The following ASTN2 variants were observed in gnomAD, a reference collection of about 807,000 sequenced individuals.
ASTN2 encodes astrotactin 2, also known as astrotactin-2.
ASTN2 carries 54 observed loss-of-function variants against 139.8 expected under a neutral mutation model. That is an observed-to-expected ratio of 0.39 (90% CI 0.31 to 0.48). The LOEUF is 0.48. ASTN2 is among the 20% of genes least tolerant of loss of function. The probability of loss-of-function intolerance (pLI) is 0.95; values close to 1 mark genes in which losing one functional copy is unlikely to be tolerated. For missense variants in ASTN2, 1,565 were observed against 1,725.1 expected, an observed-to-expected ratio of 0.91 and a Z score of 1.64; for synonymous variants, 756 against 719.5, an observed-to-expected ratio of 1.05 and a Z score of -0.81.
intron 4 of ASTN2, among the ~76,000 whole-genome samples, chr9:117,134,119 C>A (rs1020832723): frequency 1.3e-4 from 20 of 150,562 alleles, no homozygotes; most frequent in African/African-American, 4.9e-4. Flanking sequence ...AGATGGGGAC[C>A]AAAGAAACAA....
intron 19 of ASTN2, among the ~76,000 whole-genome samples, chr9:116,607,673 AC>A (rs1855280688): frequency 4.1e-4 from 3 of 7,272 alleles, no homozygotes; most frequent in Middle Eastern, 0.17. Context: ...AGAAATTAAC[AC>A]ACACACACAC....
chr9:116,698,063 G>A lies in ASTN2; in HGVS notation c.2806+27708C>T. On this transcript the variant is annotated intron_variant, in intron 16 of 22. Coordinates refer to ENST00000313400, the MANE Select transcript of ASTN2 (RefSeq NM_001365068.1). The surrounding 1 kb of genome is among the most constrained non-coding windows in gnomAD (Gnocchi z 4.4). Reference sequence around the variant, plus strand: ...TGTGTCGGTCCTGTGGGCGGCGTCTGCCCCGGCAATTCTGCCGGAGCTGTG... The same window carrying A: ...TGTGTCGGTCCTGTGGGCGGCGTCTACCCCGGCAATTCTGCCGGAGCTGTG... 3.7e-6 allele frequency: 6 copies of A among 1,614,062 alleles called. No individual in the cohort carries two copies. The highest frequency in any genetic ancestry group is 5.1e-6 in the Non-Finnish European group (6 of 1,180,034).
At chr9:116,812,826 T>C (rs1192217486) in intron 12 of ASTN2, among the ~76,000 whole-genome samples, 3 of 151,952 alleles carry the variant, frequency 2.0e-5, no homozygotes, top group Admixed American at 2.0e-4. Flanking sequence ...CAACTGTGGA[T>C]TTACAGTGAT....
intron 13 of ASTN2, among the ~76,000 whole-genome samples, chr9:116,750,391 C>A (rs775348716): frequency 6.6e-6 from 1 of 152,110 alleles, no homozygotes; most frequent in South Asian, 2.1e-4. Context: ...TGGTTGGGGT[C>A]GCATTTCTGA....
intron 5 of ASTN2, among the ~76,000 whole-genome samples, chr9:117,050,708 A>C (rs112003617): frequency 1.3e-5 from 2 of 152,212 alleles, no homozygotes; most frequent in African/African-American, 4.8e-5. Flanking sequence ...GACCCTGTGA[A>C]TGTATGGTGT....
chr9:116,782,872 C>T (rs1223496958), intron 13 of ASTN2, among the ~76,000 whole-genome samples: 2 of 152,156 alleles, frequency 1.3e-5, no homozygotes, highest in Non-Finnish European at 2.9e-5. Context: ...GTGGGCTTGC[C>T]CTGGTAGCAC....
intron 11 of ASTN2, among the ~76,000 whole-genome samples, chr9:116,837,614 T>C (rs778802156): frequency 1.3e-5 from 2 of 152,230 alleles, no homozygotes; most frequent in East Asian, 1.9e-4. Context: ...GGAATGCAAA[T>C]TGCTCTGAGT....
At chr9:116,645,614 A>C (rs1857552208) in intron 17 of ASTN2, among the ~76,000 whole-genome samples, 1 of 152,128 alleles carries the variant, frequency 6.6e-6, no homozygotes. Flanking sequence ...ACTGTGCCAT[A>C]AAATGGGGTT....
At chr9:116,645,634 A>G (rs547994305) in intron 17 of ASTN2, among the ~76,000 whole-genome samples, 1 of 152,280 alleles carries the variant, frequency 6.6e-6, no homozygotes, top group East Asian at 1.9e-4. Flanking sequence ...TCAGGATTTT[A>G]CTCAGAGCCT....
chr9:117,109,728 T>C (rs548121133), intron 4 of ASTN2, among the ~76,000 whole-genome samples: 1 of 152,334 alleles, frequency 6.6e-6, no homozygotes, highest in South Asian at 2.1e-4. Context: ...TTCTTATTCT[T>C]ATTGTTCCAA....
intron 16 of ASTN2, among the ~76,000 whole-genome samples, chr9:116,712,793 A>T (rs10983314): frequency 0.33 from 50,903 of 152,080 alleles, 8,838 homozygotes; most frequent in Admixed American, 0.44. Flanking sequence ...GCTCAAAAAT[A>T]TACCTTTCAT....
At chr9:117,177,917 A>G (rs1247820665) in intron 3 of ASTN2, among the ~76,000 whole-genome samples, 3 of 152,106 alleles carry the variant, frequency 2.0e-5, no homozygotes, top group African/African-American at 4.8e-5. Context: ...CACACTCTAC[A>G]AGGGCTTCAC....
chr9:117,142,233 C>T (rs957343976), intron 3 of ASTN2, among the ~76,000 whole-genome samples: 1 of 152,110 alleles, frequency 6.6e-6, no homozygotes, highest in African/African-American at 2.4e-5. Context: ...AGGTTTTAAA[C>T]AGAAAATCTA....
chr9:117,366,752 A>G (rs1397526506), intron 1 of ASTN2, among the ~76,000 whole-genome samples: 1 of 150,900 alleles, frequency 6.6e-6, no homozygotes, highest in Non-Finnish European at 1.5e-5. Context: ...CCTGCTCTGA[A>G]CCACAAATAG....
chr9:117,167,829 C>G (rs1423247961), intron 3 of ASTN2, among the ~76,000 whole-genome samples: 2 of 152,078 alleles, frequency 1.3e-5, no homozygotes, highest in Admixed American at 6.6e-5. Context: ...CTGATGTTAT[C>G]TGGGATGTCA....
chr9:117,414,785 T>A lies in ASTN2; in HGVS notation c.154A>T (p.Thr52Ser). 8.0e-7 allele frequency: 1 copy of A among 1,253,222 alleles called. No individual in the cohort carries two copies. Among genetic ancestry groups the A allele is most frequent in the Non-Finnish European group, 1.0e-6 (1 of 998,252 alleles). The allele number at this position is 1,253,222 out of a possible 1,614,324, so 77.6% of individuals were successfully genotyped here. ...TCGGGCTCCCGCGAGGCAGCGGCGGTGGCGCCGGCCAGCAGCGGCGGCGGC... is the reference window on the plus strand; with the variant it reads ...TCGGGCTCCCGCGAGGCAGCGGCGGAGGCGCCGGCCAGCAGCGGCGGCGGC... Reference protein sequence around the residue: ...LPPPPLLAGATAAASREPDSP... With the variant: ...LPPPPLLAGASAAASREPDSP... Residue 52 changes from threonine to serine, a missense_variant, in exon 1 of 23, where the codon ACC becomes TCC. Thr to Ser is a moderately conservative substitution (Grantham distance 58). Transcript: ENST00000313400. The surrounding 1 kb of genome is among the most constrained non-coding windows in gnomAD (Gnocchi z 4.2).
In ASTN2 at chr9:116,725,847, A is replaced by G. The variant is rs1249231136; in HGVS notation, c.2730T>C (p.Tyr910=). The G allele has an allele frequency of 6.2e-7, 1 of 1,614,014 alleles. No homozygotes were observed. Among genetic ancestry groups the G allele is most frequent in the Non-Finnish European group, 8.5e-7 (1 of 1,180,030 alleles). Residue 910 remains tyrosine, a synonymous_variant, in exon 16 of 23, where the codon TAT becomes TAC. Coordinates refer to ENST00000313400, the MANE Select transcript of ASTN2 (RefSeq NM_001365068.1). ...YGSHYIAEAL[Y]GSELTCIIHF... is the part of the protein sequence containing the mutation. ...GGATGATGCAGGTGAGCTCTGAGCC[A>G]TAGAGGGCCTCTGCGATGTAGTGGG...
At chr9:116,542,397 A>G (rs956292342) in intron 19 of ASTN2, among the ~76,000 whole-genome samples, 1 of 152,216 alleles carries the variant, frequency 6.6e-6, no homozygotes, top group East Asian at 1.9e-4. Flanking sequence ...TGCCACTTCA[A>G]TTGAGCAAGT....
intron 7 of ASTN2, among the ~76,000 whole-genome samples, chr9:116,982,935 C>T (rs1469186690): frequency 1.3e-5 from 2 of 152,168 alleles, no homozygotes; most frequent in Non-Finnish European, 2.9e-5. Context: ...GCCGCTGCCT[C>T]CTCCACCCCA....
Sources: gnomAD v4.1 joint callset for allele counts (sites outside exome capture counted in the v4.1 genomes callset) on GRCh38, gnomAD v4.1.1 for gene constraint, Gnocchi (gnomAD v3.1) non-coding constraint, MANE v1.5 for transcripts, NCBI Gene and HGNC (gene_info 2026-07-23, HGNC 2026-07-21) for gene names.